GRIN2C: variants seen among roughly 807,000 people sequenced by gnomAD.
GRIN2C encodes the protein glutamate receptor ionotropic, NMDA 2C.
GRIN2C carries 64 observed loss-of-function variants against 77.7 expected under a neutral mutation model. The observed-to-expected ratio is 0.82, with a 90% CI of 0.67 to 1.01. The LOEUF (loss-of-function observed/expected upper bound fraction) is 1.01, where lower values mean the gene tolerates loss of function less well. Among genes scored for constraint, GRIN2C ranks in the 50% least tolerant of loss-of-function variants. The pLI is 0.00. For synonymous variants in GRIN2C, 792 were observed against 643.4 expected, an observed-to-expected ratio of 1.23 and a Z score of -3.49; for missense variants, 1,549 against 1,486.0, an observed-to-expected ratio of 1.04 and a Z score of -0.70.
Position 74,852,231 on chromosome 17 carries a change from G to A in GRIN2C, c.780C>T (p.Gly260=). 1 of 1,420,230 alleles carries A rather than the reference G, an allele frequency of 7.0e-7. No homozygotes were observed. Among genetic ancestry groups the A allele is most frequent in the South Asian group, 1.4e-5 (1 of 69,234 alleles). 88.0% of individuals were successfully genotyped at this position (1,420,230 alleles called of 1,614,324 possible). ...HVWLVPNLAL[G]STDAPPATFP... ...AGGTGGCGGGGGGCGCATCGGTGCT[G>A]CCCAGCGCCAGGTTGGGCACCAGCC... Residue 260 remains glycine, a synonymous_variant, in exon 3 of 13, where the codon GGC becomes GGT. Coordinates refer to ENST00000293190, the MANE Select transcript of GRIN2C (RefSeq NM_000835.6).
Position 74,846,921 on chromosome 17 carries a change from C to G in GRIN2C, c.2002-1G>C. The G allele has an allele frequency of 1.2e-6, 2 of 1,604,604 alleles. No individual in the cohort carries two copies. Among genetic ancestry groups the G allele is most frequent in the African/African-American group, 2.7e-5 (2 of 74,926 alleles). On this transcript the variant is annotated splice_acceptor_variant, in intron 9 of 12. Transcript: ENST00000293190. LOFTEE classifies it high-confidence loss of function. This position sits in a 1 kb window ranked among gnomAD's most constrained non-coding sequence, Gnocchi z 4.4. ...GGTACTGATCTTGAGGCCGCTGAAA[C>G]TGCAGGCGGAGGGCAGCAGCCAGTC... is the stretch of plus-strand genomic sequence containing the variant.
chr17:74,856,203 C>T (rs1173127445), intron 1 of GRIN2C, among the ~76,000 whole-genome samples: 1 of 152,244 alleles, frequency 6.6e-6, no homozygotes, highest in Non-Finnish European at 1.5e-5. Context: ...GGCCATGGCA[C>T]TGCCATCTCT....
In GRIN2C at chr17:74,842,774, CTGCGCCTGCGCCA is replaced by C. The variant is rs1343518350; in HGVS notation, c.3350_3362del (p.Leu1117CysfsTer90). 4.5e-6 allele frequency: 3 copies of C among 664,290 alleles called. No homozygotes were observed. The highest frequency in any genetic ancestry group is 1.9e-5 in the African/African-American group (1 of 54,024). 41.1% of individuals were successfully genotyped at this position (664,290 alleles called of 1,614,324 possible). A position where few individuals can be genotyped will look rare whatever the true frequency, so the allele number is the denominator to read the frequency against. On this transcript the variant is annotated frameshift_variant, in exon 13 of 13. Coordinates refer to ENST00000293190, the MANE Select transcript of GRIN2C (RefSeq NM_000835.6). LOFTEE classifies it low-confidence loss of function (END_TRUNC). ...CCCGGTAGATCGGCAAGCACATCGA[CTGCGCCTGCGCCA>C]AGCGCCTGCAGGCCGAGTGGCCGTC...
chr17:74,846,810 G>T lies in GRIN2C; in HGVS notation c.2112C>A (p.Val704=). 1.2e-6 allele frequency: 2 copies of T among 1,614,140 alleles called. No individual in the cohort carries two copies. Among genetic ancestry groups the T allele is most frequent in the African/African-American group, 2.7e-5 (2 of 75,058 alleles). The change falls in exon 10 of 13, where the codon GTC becomes GTA. Residue 704 remains valine, a synonymous_variant. Transcript: ENST00000293190. This position sits in a 1 kb window ranked among gnomAD's most constrained non-coding sequence, Gnocchi z 4.4. ...CCTCCACCGAGCGCTGGTTGAACTT[G>T]ACCATGTGGGTGTGCATGTCACGGT... is the stretch of plus-strand genomic sequence containing the variant. ...SNYRDMHTHM[V]KFNQRSVEDA...
At chr17:74,843,733 G>A (rs938157581) in intron 12 of GRIN2C, among the ~76,000 whole-genome samples, 180 bp from the exon 13 acceptor site, 4 of 152,184 alleles carry the variant, frequency 2.6e-5, no homozygotes, top group South Asian at 2.1e-4. Flanking sequence ...TGGTCTGAGC[G>A]CCCAGGTTGA....
Position 74,843,375 on chromosome 17 carries a change from T to A in GRIN2C, c.2762A>T (p.Glu921Val). The A allele has an allele frequency of 6.5e-7, 1 of 1,531,100 alleles. No individual in the cohort carries two copies. Among genetic ancestry groups the A allele is most frequent in the Non-Finnish European group, 8.7e-7 (1 of 1,143,488 alleles). 94.8% of individuals were successfully genotyped at this position (1,531,100 alleles called of 1,614,324 possible). Reference sequence around the variant, plus strand: ...CGCACGGCGGCCGCCACCCCAATTCTCGATGGTGCGAGTGGCGCGGTCCAG... The same window carrying A: ...CGCACGGCGGCCGCCACCCCAATTCACGATGGTGCGAGTGGCGCGGTCCAG... ...SSLDRATRTI[E>V]NWGGGRRAPP... is the part of the protein sequence containing the mutation. Residue 921 changes from glutamate (E) to valine (V), a missense_variant, in exon 13 of 13, where the codon GAG (glutamate) becomes GTG (valine). Transcript: ENST00000293190.
rs1283623463 is a variant in GRIN2C at position 74,847,117 on chromosome 17, G to A, written c.2001+191C>T. 1 of 722,412 alleles carries A rather than the reference G, an allele frequency of 1.4e-6. No individual in the cohort carries two copies. Among genetic ancestry groups the A allele is most frequent in the Non-Finnish European group, 2.2e-6 (1 of 445,390 alleles). 44.8% of individuals were successfully genotyped at this position (722,412 alleles called of 1,614,324 possible). On this transcript the variant is annotated intron_variant, in intron 9 of 12. Coordinates refer to ENST00000293190, the MANE Select transcript of GRIN2C (RefSeq NM_000835.6). This position sits in a 1 kb window ranked among gnomAD's most constrained non-coding sequence, Gnocchi z 5.2. The stretch of plus-strand genomic sequence containing the variant: ...CAAGACAGGGAGAGACTTACCCAAG[G>A]CCTCTCAGCCGGTGGCCCTGAGCCA...
intron 12 of GRIN2C, chr17:74,843,921 T>A: frequency 2.2e-6 from 1 of 464,914 alleles, no homozygotes; most frequent in Non-Finnish European, 3.8e-6. Flanking sequence ...CTGCCCAGGC[T>A]GGAGTGCAGT....
Position 74,846,119 on chromosome 17 carries a change from T to C in GRIN2C, c.2297A>G (p.Asp766Gly). Residue 766 changes from aspartate to glycine, a missense_variant, in exon 11 of 13, where the codon GAC becomes GGC. Transcript: ENST00000293190. This position sits in a 1 kb window ranked among gnomAD's most constrained non-coding sequence, Gnocchi z 4.4. ...TTGYGIAMQK[D>G]SHWKRAIDLA... ...GTCTATGGCCCGCTTCCAGTGGGAG[T>C]CCTTCTGCATGGCGATGCCGTAGCC... 6.2e-7 allele frequency: 1 copy of C among 1,613,990 alleles called. No individual in the cohort carries two copies. The highest frequency in any genetic ancestry group is 8.5e-7 in the Non-Finnish European group (1 of 1,180,006).
chr17:74,843,987 A>G (rs2037382042), intron 12 of GRIN2C: 5 of 550,262 alleles, frequency 9.1e-6, no homozygotes, highest in East Asian at 3.3e-5. Flanking sequence ...GATCCTCCCA[A>G]TTCAGCCTCC....
At position 74,846,496 on chromosome 17, in the gene GRIN2C, T is replaced by C. The variant is rs974560307; in HGVS notation, c.2163-243A>G. On this transcript the variant is annotated intron_variant, in intron 10 of 12. Transcript: ENST00000293190. The surrounding 1 kb of genome is among the most constrained non-coding windows in gnomAD (Gnocchi z 4.4). ...GACACACCACCCTTTCTGCCCACCC[T>C]CTCCGTGCTCCTAAGACTCAGAGAA... Among the ~76,000 whole-genome samples, 4 of 152,086 alleles carry C rather than the reference T, an allele frequency of 2.6e-5. No homozygotes were observed. The highest frequency in any genetic ancestry group is 2.0e-4 in the Admixed American group (3 of 15,274).
At position 74,852,055 on chromosome 17, in the gene GRIN2C, A is replaced by T. The variant is rs2037662815; in HGVS notation, c.956T>A (p.Val319Asp). 4 of 1,462,628 alleles carry T rather than the reference A, an allele frequency of 2.7e-6. No homozygotes were observed. Among genetic ancestry groups the T allele is most frequent in the East Asian group, 5.1e-5 (2 of 39,052 alleles). The allele number at this position is 1,462,628 out of a possible 1,614,324, so 90.6% of individuals were successfully genotyped here. A position where few individuals can be genotyped will look rare whatever the true frequency, so the allele number is the denominator to read the frequency against. ...GGCAGGGCTGACGGGCCCAGGGTGA[A>T]CACGGCAGTCCCCGGCCGGGGCTGG... ...TLPAPAGDCRVHPGPVSPARE... is the reference protein window; with the variant it reads ...TLPAPAGDCRDHPGPVSPARE... The change falls in exon 3 of 13, where the codon GTT becomes GAT. Residue 319 changes from valine to aspartate, a missense_variant. Around this residue, in one of 3 missense-constraint regions of GRIN2C, gnomAD observed 717 missense variants for 858.1 expected, o/e 0.84. Transcript: ENST00000293190.
intron 11 of GRIN2C, among the ~76,000 whole-genome samples, chr17:74,845,165 A>G (rs1024115626): frequency 1.3e-5 from 2 of 152,104 alleles, no homozygotes; most frequent in Non-Finnish European, 2.9e-5. Context: ...CCTAGACTTA[A>G]GCAATCCTCA....
rs779028877 is a variant in GRIN2C, at chr17:74,846,294, A to C, written c.2163-41T>G. Reference sequence around the variant, plus strand: ...GCCTCAGAGCTAGGGACCATATGGGAGGGGAGGGGACACCGAAACTGGGGC... The same window carrying C: ...GCCTCAGAGCTAGGGACCATATGGGCGGGGAGGGGACACCGAAACTGGGGC... On this transcript the variant is annotated intron_variant, in intron 10 of 12. Coordinates refer to ENST00000293190, the MANE Select transcript of GRIN2C (RefSeq NM_000835.6). The surrounding 1 kb of genome is among the most constrained non-coding windows in gnomAD (Gnocchi z 4.4). The C allele has an allele frequency of 6.3e-7, 1 of 1,576,950 alleles. No individual in the cohort carries two copies. The highest frequency in any genetic ancestry group is 8.7e-7 in the Non-Finnish European group (1 of 1,148,252).
intron 1 of GRIN2C, among the ~76,000 whole-genome samples, chr17:74,858,270 C>T (rs955585480): frequency 3.3e-5 from 5 of 151,202 alleles, no homozygotes; most frequent in African/African-American, 1.2e-4. Flanking sequence ...TTCCCACTCT[C>T]TCCAATAGGA....
At chr17:74,851,970 C>T (rs757517537) in intron 3 of GRIN2C, 43 bp downstream of exon 3, 1 of 1,416,560 alleles carries the variant, frequency 7.1e-7, no homozygotes, top group Non-Finnish European at 9.4e-7. Flanking sequence ...TCCCCCGAAG[C>T]GCTCCCCACC....
At position 74,850,754 on chromosome 17, in the gene GRIN2C, T is replaced by A. The variant is rs2037616494; in HGVS notation, c.1127A>T (p.Glu376Val). Residue 376 changes from glutamate to valine, a missense_variant, in exon 5 of 13, where the codon GAG becomes GTG. Glu to Val is a moderately radical substitution (Grantham distance 121, BLOSUM62 -2). This residue lies in a region of GRIN2C where 717 missense variants were observed against 858.1 expected (regional missense o/e 0.84). Coordinates refer to ENST00000293190, the MANE Select transcript of GRIN2C (RefSeq NM_000835.6). This position sits in a 1 kb window ranked among gnomAD's most constrained non-coding sequence, Gnocchi z 5.3. ...GTACTTCATGTATAGGACGCCATGC[T>A]CCCAGCGCCCCACCTGTGGAGGGTG... Reference protein sequence around the residue: ...HRLWEMVGRWEHGVLYMKYPV... With the variant: ...HRLWEMVGRWVHGVLYMKYPV... 1 of 1,611,908 alleles carries A rather than the reference T, an allele frequency of 6.2e-7. No homozygotes were observed. Among genetic ancestry groups the A allele is most frequent in the Non-Finnish European group, 8.5e-7 (1 of 1,179,462 alleles).
Position 74,842,801 on chromosome 17 carries a change from C to T in GRIN2C, c.3336G>A (p.Ser1112=), listed in dbSNP as rs2144532605. 4 of 614,692 alleles carry T rather than the reference C, an allele frequency of 6.5e-6. No homozygotes were observed. The highest frequency in any genetic ancestry group is 5.4e-5 in the South Asian group (3 of 55,164). The allele number at this position is 614,692 out of a possible 1,614,324, so 38.1% of individuals were successfully genotyped here. Residue 1112 remains serine (S), a synonymous_variant, in exon 13 of 13, where the codon TCG becomes TCA. Coordinates refer to ENST00000293190, the MANE Select transcript of GRIN2C (RefSeq NM_000835.6). ...GPACARPDGH[S]ACRRLAQAQS... ...GCGCCTGCGCCAAGCGCCTGCAGGC[C>T]GAGTGGCCGTCGGGGCGGGCGCAGG...
In GRIN2C at chr17:74,849,736, G is replaced by T. The variant is rs1381159172; in HGVS notation, c.1645+44C>A. On this transcript the variant is annotated intron_variant, in intron 7 of 12. Transcript: ENST00000293190. This position sits in a 1 kb window ranked among gnomAD's most constrained non-coding sequence, Gnocchi z 4.6. The stretch of plus-strand genomic sequence containing the variant: ...CAAGCTGTACACACCCTCCTCGTGG[G>T]CCCCTCTGCCCCCGGAGCCGTCTCT... The T allele has an allele frequency of 3.2e-6, 5 of 1,577,280 alleles. No homozygotes were observed. Among genetic ancestry groups the T allele is most frequent in the East Asian group, 2.2e-5 (1 of 44,540 alleles).
Sources: allele counts gnomAD v4.1 joint callset (sites outside exome capture counted in the v4.1 genomes callset), GRCh38; gene constraint gnomAD v4.1.1; regional missense constraint gnomAD v4.1.1; non-coding constraint Gnocchi (gnomAD v3.1); transcripts MANE v1.5; gene names NCBI Gene and HGNC (gene_info 2026-07-23, HGNC 2026-07-21).